The following KCNH8 variants were observed in gnomAD, a reference collection of about 807,000 sequenced individuals.
KCNH8 encodes potassium voltage-gated channel subfamily H member 8.
In KCNH8, 70 loss-of-function variants were observed where a neutral mutation model predicts 103.6. That is an observed-to-expected ratio of 0.68 (90% CI 0.56 to 0.82). The LOEUF is 0.82. KCNH8 is among the 40% of genes least tolerant of loss of function. The pLI, the probability that KCNH8 is intolerant of heterozygous loss-of-function variation, is 0.00. For synonymous variants in KCNH8, 498 were observed against 489.4 expected (o/e 1.02, Z -0.23); for missense variants, 1,217 against 1,329.9 (o/e 0.92, Z 1.32).
chr3:19,211,380 A>C (rs187007159), intron 1 of KCNH8, among the ~76,000 whole-genome samples: 2 of 152,276 alleles, frequency 1.3e-5, no homozygotes, highest in African/African-American at 4.8e-5. Context: ...TTCATGGAAG[A>C]GGTGGGGCTG....
At chr3:19,458,095 G>C (rs1483416023) in intron 11 of KCNH8, among the ~76,000 whole-genome samples, 1 of 152,008 alleles carries the variant, frequency 6.6e-6, no homozygotes. Flanking sequence ...TTTTATGGAA[G>C]AGAAAACAAA....
intron 5 of KCNH8, among the ~76,000 whole-genome samples, chr3:19,349,801 C>T (rs2065775488): frequency 6.6e-6 from 1 of 152,100 alleles, no homozygotes; most frequent in Non-Finnish European, 1.5e-5. Context: ...CCCCTGATAG[C>T]AACCCCTAAA....
chr3:19,167,871 TTGTG>T (rs1039670750), intron 1 of KCNH8, among the ~76,000 whole-genome samples: 1 of 152,134 alleles, frequency 6.6e-6, no homozygotes, highest in Non-Finnish European at 1.5e-5. Context: ...TTGTGTGTGT[TTGTG>T]TGTGAGTGTG....
intron 10 of KCNH8, among the ~76,000 whole-genome samples, chr3:19,451,790 A>G (rs1009803924): frequency 1.1e-4 from 16 of 152,210 alleles, no homozygotes; most frequent in Non-Finnish European, 2.1e-4. Flanking sequence ...GTGGAAAATT[A>G]ATTCAGAGAA....
intron 10 of KCNH8, 110 bp downstream of exon 10, chr3:19,451,514 C>T (rs2067447639): frequency 1.1e-6 from 1 of 949,454 alleles, no homozygotes; most frequent in African/African-American, 1.6e-5. Flanking sequence ...CAGATGAAGA[C>T]ATGAACTCAG....
intron 3 of KCNH8, among the ~76,000 whole-genome samples, chr3:19,324,487 G>T (rs1201892260): frequency 2.6e-5 from 4 of 152,092 alleles, no homozygotes; most frequent in African/African-American, 9.7e-5. Context: ...CTTCCACCAG[G>T]TCCCTTCCTC....
At chr3:19,435,803 G>T (rs953871516) in intron 7 of KCNH8, among the ~76,000 whole-genome samples, 1 of 152,048 alleles carries the variant, frequency 6.6e-6, no homozygotes, top group African/African-American at 2.4e-5. Flanking sequence ...TAACTTGCTC[G>T]CATTCCTTAT....
At chr3:19,459,229 G>T (rs1042412086) in intron 11 of KCNH8, among the ~76,000 whole-genome samples, 7 of 151,772 alleles carry the variant, frequency 4.6e-5, no homozygotes, top group Non-Finnish European at 8.8e-5. Flanking sequence ...GTGTGCAGGG[G>T]TTCCTTTTTT....
At chr3:19,212,699 G>T (rs2063782769) in intron 1 of KCNH8, among the ~76,000 whole-genome samples, 1 of 152,128 alleles carries the variant, frequency 6.6e-6, no homozygotes, top group African/African-American at 2.4e-5. Context: ...GTGGGAACAG[G>T]AGCTCTGGCA....
intron 7 of KCNH8, among the ~76,000 whole-genome samples, chr3:19,428,494 T>A (rs574742510): frequency 3.9e-5 from 6 of 152,188 alleles, no homozygotes; most frequent in Non-Finnish European, 7.4e-5. Flanking sequence ...ATTTTTGAAG[T>A]CTGCATAATT....
At position 19,530,807 on chromosome 3, in the gene KCNH8, G is replaced by A. The variant is rs571314067; in HGVS notation, c.2620-2588G>A. On this transcript the variant is annotated intron_variant, in intron 15 of 15. Coordinates refer to ENST00000328405, the MANE Select transcript of KCNH8 (RefSeq NM_144633.3). ...TTTTTCTACATGATAATATTCTATA[G>A]CAGAATGAATACCAAACTTAGAAGT... is the stretch of plus-strand genomic sequence containing the variant. Among the ~76,000 whole-genome samples, 16 of 152,214 alleles carry A rather than the reference G, an allele frequency of 1.1e-4. No homozygotes were observed. The South Asian group carries it at 2.9e-3, about 28-fold the overall frequency.
chr3:19,153,762 GC>G (rs1194682275), intron 1 of KCNH8, among the ~76,000 whole-genome samples: 1 of 151,430 alleles, frequency 6.6e-6, no homozygotes, highest in African/African-American at 2.4e-5. Context: ...CTCCCAAGTG[GC>G]TGGGATTACA....
intron 14 of KCNH8, among the ~76,000 whole-genome samples, chr3:19,516,722 A>G (rs1469409796): frequency 3.9e-5 from 6 of 151,998 alleles, no homozygotes; most frequent in Admixed American, 3.9e-4. Context: ...TCTAGAAGCA[A>G]CTTCCAAAAT....
chr3:19,331,877 T>C (rs1192851743), intron 3 of KCNH8, among the ~76,000 whole-genome samples: 2 of 152,176 alleles, frequency 1.3e-5, no homozygotes, highest in African/African-American at 2.4e-5. Flanking sequence ...CGGTGAGTCT[T>C]CTATCATGAT....
At chr3:19,505,051 TAC>T (rs1274885260) in intron 11 of KCNH8, among the ~76,000 whole-genome samples, 2 of 150,086 alleles carry the variant, frequency 1.3e-5, no homozygotes, top group Non-Finnish European at 3.0e-5. Context: ...ACTATATATA[TAC>T]ACACACAATC....
rs964241243 is a variant in KCNH8 at position 19,390,387 on chromosome 3, C to G, written c.812-94C>G. ...TTCCTGCTTGTTTGCCTGCCTGTCT[C>G]CCTTCCTTTCTTCTTTCTTTCATTG... On this transcript the variant is annotated intron_variant, in intron 5 of 15. Transcript: ENST00000328405. 9 of 914,194 alleles carry G rather than the reference C, an allele frequency of 9.8e-6. No homozygotes were observed. In the African/African-American group the frequency reaches 1.5e-4, roughly 15 times the overall value. 56.6% of individuals were successfully genotyped at this position (914,194 alleles called of 1,614,324 possible). A position where few individuals can be genotyped will look rare whatever the true frequency, so the allele number is the denominator to read the frequency against.
chr3:19,282,326 G>A (rs2064767769), intron 3 of KCNH8, among the ~76,000 whole-genome samples: 1 of 152,088 alleles, frequency 6.6e-6, no homozygotes, highest in South Asian at 2.1e-4. Context: ...CAAGGGAAGA[G>A]CCATATTAAA....
intron 11 of KCNH8, among the ~76,000 whole-genome samples, chr3:19,470,624 C>G (rs972344508): frequency 1.3e-5 from 2 of 152,018 alleles, no homozygotes; most frequent in Non-Finnish European, 2.9e-5. Flanking sequence ...GAGAGATCAC[C>G]CTGTAGTAGC....
chr3:19,247,865 AT>A (rs1455863371), intron 1 of KCNH8, among the ~76,000 whole-genome samples: 6 of 152,226 alleles, frequency 3.9e-5, no homozygotes, highest in South Asian at 2.1e-4. Context: ...TGAGATGGTT[AT>A]TTTTAAATAT....
Sources: allele counts gnomAD v4.1 joint callset (sites outside exome capture counted in the v4.1 genomes callset), GRCh38; gene constraint gnomAD v4.1.1; transcripts MANE v1.5; gene names NCBI Gene and HGNC (gene_info 2026-07-23, HGNC 2026-07-21).